LRRC36: variants seen among roughly 807,000 people sequenced by gnomAD.
The protein encoded by LRRC36 is leucine rich repeat containing 36.
In LRRC36, 62 loss-of-function variants were observed where a neutral mutation model predicts 81.1. The observed-to-expected ratio is 0.76, with a 90% CI of 0.62 to 0.94. The LOEUF is 0.94. Among genes scored for constraint, LRRC36 ranks in the 40% least tolerant of loss-of-function variants. LRRC36 has a pLI of 0.00. For missense variants in LRRC36, 761 were observed against 881.7 expected, an observed-to-expected ratio of 0.86 and a Z score of 1.73; for synonymous variants, 334 against 348.6, an observed-to-expected ratio of 0.96 and a Z score of 0.47.
In LRRC36 at chr16:67,347,584, G is replaced by T; in HGVS notation, c.481G>T (p.Glu161Ter). 6.2e-7 allele frequency: 1 copy of T among 1,609,226 alleles called. No homozygotes were observed. The highest frequency in any genetic ancestry group is 1.1e-5 in the South Asian group (1 of 90,776). Residue 161 changes from glutamate to a stop codon, truncating the protein, a stop_gained, in exon 4 of 14, where the codon GAA becomes TAA. Transcript: ENST00000329956. LOFTEE classifies it high-confidence loss of function. Reference protein sequence around the residue: ...GNSENFLLEVEKSSREKTMKN... With the variant: ...GNSENFLLEV ...CAGTGAAAATTTTCTTTTAGAGGTG[G>T]AAAAAAGGTAAGAAGATTCTTTACA...
intron 1 of LRRC36, among the ~76,000 whole-genome samples, chr16:67,332,351 A>C (rs2037535756): frequency 6.6e-6 from 1 of 152,168 alleles, no homozygotes; most frequent in Admixed American, 6.5e-5. Flanking sequence ...CAGGAGATCG[A>C]GACAACCCTG....
At chr16:67,338,660 A>G (rs765467968) in intron 1 of LRRC36, among the ~76,000 whole-genome samples, 23 of 152,126 alleles carry the variant, frequency 1.5e-4, no homozygotes, top group Non-Finnish European at 2.8e-4. Flanking sequence ...GTAACGTTAC[A>G]CATTGGTCAT....
intron 8 of LRRC36, among the ~76,000 whole-genome samples, chr16:67,368,647 G>C (rs1243770482): frequency 6.6e-6 from 1 of 152,230 alleles, no homozygotes; most frequent in African/African-American, 2.4e-5. Flanking sequence ...AGAGTTTGTA[G>C]CAAGGGAGTG....
intron 5 of LRRC36, among the ~76,000 whole-genome samples, chr16:67,354,350 T>C (rs1184388726): frequency 6.6e-6 from 1 of 152,156 alleles, no homozygotes; most frequent in East Asian, 1.9e-4. Context: ...TCATCTCGGC[T>C]TATTGCAACT....
intron 4 of LRRC36, among the ~76,000 whole-genome samples, chr16:67,349,459 C>A (rs763501881): frequency 5.3e-5 from 8 of 152,132 alleles, no homozygotes; most frequent in Admixed American, 2.6e-4. Flanking sequence ...CTGTACTACC[C>A]AAGGTATCTA....
intron 5 of LRRC36, among the ~76,000 whole-genome samples, chr16:67,355,015 T>TA (rs2038833191): frequency 6.6e-6 from 1 of 152,268 alleles, no homozygotes; most frequent in Non-Finnish European, 1.5e-5. Context: ...ATTCAGTATG[T>TA]AGCCTTTCAG....
intron 1 of LRRC36, among the ~76,000 whole-genome samples, chr16:67,329,592 T>A (rs1020541020): frequency 6.6e-6 from 1 of 152,152 alleles, no homozygotes; most frequent in African/African-American, 2.4e-5. Context: ...ACTAGTGTTC[T>A]TATTTCCCCA....
At chr16:67,335,456 G>A (rs1301415985) in intron 1 of LRRC36, among the ~76,000 whole-genome samples, 1 of 152,076 alleles carries the variant, frequency 6.6e-6, no homozygotes, top group Non-Finnish European at 1.5e-5. Context: ...TTTTCAAGGT[G>A]CCCAGATTTC....
At chr16:67,376,599 A>C (rs1318735177) in intron 10 of LRRC36, 128 bp from the exon 11 acceptor site, 1 of 924,176 alleles carries the variant, frequency 1.1e-6, no homozygotes, top group East Asian at 2.5e-5. Context: ...TCTGCCACTT[A>C]CTAAGTTCTG....
chr16:67,375,323 A>C lies in LRRC36; in HGVS notation c.1571A>C (p.His524Pro), dbSNP rs757027121. Reference protein sequence around the residue: ...HSPPISARTPHVATVLRQLLE... With the variant: ...HSPPISARTPPVATVLRQLLE... ...CCCCCCATCTCTGCCAGAACCCCCC[A>C]TGTGGCCACTGTCCTCAGACAGCTC... The change falls in exon 10 of 14, where the codon CAT becomes CCT. Residue 524 changes from histidine to proline, a missense_variant. Around this residue, in one of 3 missense-constraint regions of LRRC36, gnomAD observed 359 missense variants for 388.4 expected, o/e 0.92. Transcript: ENST00000329956. 8 of 1,606,306 alleles carry C rather than the reference A, an allele frequency of 5.0e-6. No individual in the cohort carries two copies. Among genetic ancestry groups the C allele is most frequent in the Non-Finnish European group, 5.9e-6 (7 of 1,177,338 alleles).
intron 5 of LRRC36, among the ~76,000 whole-genome samples, chr16:67,350,872 C>T (rs1476550935): frequency 6.6e-6 from 1 of 152,084 alleles, no homozygotes; most frequent in Admixed American, 6.6e-5. Flanking sequence ...AACCCTGTCT[C>T]TACTAAAAAT....
At chr16:67,352,457 C>G (rs1420734199) in intron 5 of LRRC36, among the ~76,000 whole-genome samples, 1 of 152,124 alleles carries the variant, frequency 6.6e-6, no homozygotes, top group Non-Finnish European at 1.5e-5. Context: ...TGAACCTCCA[C>G]TGTCTTGGAT....
intron 1 of LRRC36, among the ~76,000 whole-genome samples, chr16:67,331,060 T>TGAGAAA (rs2037458017): frequency 9.3e-6 from 1 of 108,090 alleles, no homozygotes; most frequent in African/African-American, 5.3e-5. Flanking sequence ...GTGTGAGATG[T>TGAGAAA]GAGAGAGAAA....
At chr16:67,341,023 G>GAA (rs2038032304) in intron 1 of LRRC36, among the ~76,000 whole-genome samples, 1 of 102,326 alleles carries the variant, frequency 9.8e-6, no homozygotes, top group African/African-American at 4.0e-5. Context: ...TATAGAATAT[G>GAA]TACTCTACAT....
Position 67,376,818 on chromosome 16 carries a change from C to T in LRRC36, c.1752C>T (p.Phe584=). 1 of 1,614,068 alleles carries T rather than the reference C, an allele frequency of 6.2e-7. No individual in the cohort carries two copies. Among genetic ancestry groups the T allele is most frequent in the Non-Finnish European group, 8.5e-7 (1 of 1,179,940 alleles). ...CSHPEDTMKA[F]CRRELELKEA... ...ATCCTGAAGACACGATGAAAGCATT[C>T]TGCAGGAGGGAGCTTGAACTGAAGG... is the stretch of plus-strand genomic sequence containing the variant. Residue 584 remains phenylalanine, a synonymous_variant, in exon 11 of 14, where the codon TTC becomes TTT. Coordinates refer to ENST00000329956, the MANE Select transcript of LRRC36 (RefSeq NM_018296.6).
intron 9 of LRRC36, 40 bp downstream of exon 9, chr16:67,371,282 C>A: frequency 6.2e-7 from 1 of 1,610,652 alleles, no homozygotes; most frequent in South Asian, 1.1e-5. Context: ...AGAAACAGGT[C>A]AGGTTCGAGA....
intron 1 of LRRC36, among the ~76,000 whole-genome samples, chr16:67,339,862 G>A (rs2037946473): frequency 1.3e-5 from 2 of 152,154 alleles, no homozygotes; most frequent in Admixed American, 1.3e-4. Flanking sequence ...GCTTATGGGG[G>A]CCAGGCACGG....
chr16:67,341,791 T>C (rs902484574), intron 1 of LRRC36, among the ~76,000 whole-genome samples, 166 bp from the exon 2 acceptor site: 7 of 152,264 alleles, frequency 4.6e-5, no homozygotes, highest in African/African-American at 1.7e-4. Context: ...TCAATGTCAC[T>C]ATATTAGACC....
intron 13 of LRRC36, among the ~76,000 whole-genome samples, chr16:67,382,733 C>T (rs1272050856): frequency 1.3e-5 from 2 of 152,280 alleles, no homozygotes; most frequent in African/African-American, 2.4e-5. Flanking sequence ...CCTGTAATCC[C>T]AGCACTTTGG....
Sources: gnomAD v4.1 joint callset for allele counts (sites outside exome capture counted in the v4.1 genomes callset) on GRCh38, gnomAD v4.1.1 for gene constraint, gnomAD v4.1.1 regional missense constraint, MANE v1.5 for transcripts, NCBI Gene and HGNC (gene_info 2026-07-23, HGNC 2026-07-21) for gene names.